Variants in CNTNAP2 observed in about 807,000 individuals in gnomAD.
CNTNAP2 encodes contactin-associated protein-like 2.
Under a neutral mutation model 155.2 loss-of-function variants are expected in CNTNAP2, and 98 were observed. The ratio of observed to expected loss-of-function variants is 0.63; its 90% confidence interval spans 0.54 to 0.75. The LOEUF (loss-of-function observed/expected upper bound fraction) is 0.75, where lower values mean the gene tolerates loss of function less well. Among genes scored for constraint, CNTNAP2 ranks in the 30% least tolerant of loss-of-function variants. CNTNAP2 has a pLI of 0.00. For synonymous variants in CNTNAP2, 651 were observed against 631.2 expected, an observed-to-expected ratio of 1.03 and a Z score of -0.47; for missense variants, 1,727 against 1,688.1, an observed-to-expected ratio of 1.02 and a Z score of -0.40.
chr7:146,584,102 A>G (rs6947535), intron 1 of CNTNAP2, among the ~76,000 whole-genome samples: 149,276 of 152,290 alleles, frequency 0.98, 73,186 homozygotes, highest in East Asian at 1. Context: ...CTAATAAATC[A>G]TGAAAAGTAC....
intron 3 of CNTNAP2, among the ~76,000 whole-genome samples, chr7:146,907,723 T>G (rs1450237717): frequency 6.8e-6 from 1 of 146,520 alleles, no homozygotes; most frequent in African/African-American, 2.5e-5. Flanking sequence ...CCATCGAGAC[T>G]AGGAAGAAAC....
At position 146,606,233 on chromosome 7, in the gene CNTNAP2, C is replaced by T. The variant is rs541947426; in HGVS notation, c.98-168038C>T. ...AATTAGAATGAGTCATATTATAAAT[C>T]CTCTGTCCAACTTTGAATTATATTG... is the stretch of plus-strand genomic sequence containing the variant. On this transcript the variant is annotated intron_variant, in intron 1 of 23. Coordinates refer to ENST00000361727, the MANE Select transcript of CNTNAP2 (RefSeq NM_014141.6). Among the ~76,000 whole-genome samples, 5 of 152,184 alleles carry T rather than the reference C, an allele frequency of 3.3e-5. No homozygotes were observed. In the South Asian group the frequency reaches 6.2e-4, roughly 19 times the overall value.
At chr7:146,803,809 A>G (rs986972105) in intron 2 of CNTNAP2, among the ~76,000 whole-genome samples, 2 of 152,206 alleles carry the variant, frequency 1.3e-5, no homozygotes, top group South Asian at 4.1e-4. Context: ...AAGTCTTGGT[A>G]TAGTTTTATG....
At chr7:147,047,885 A>T (rs1220762364) in intron 4 of CNTNAP2, among the ~76,000 whole-genome samples, 1 of 152,186 alleles carries the variant, frequency 6.6e-6, no homozygotes, top group Admixed American at 6.5e-5. Flanking sequence ...ATTAACATTT[A>T]TATCAATAGA....
intron 1 of CNTNAP2, among the ~76,000 whole-genome samples, chr7:146,723,766 T>C (rs1385732241): frequency 1.3e-5 from 2 of 152,212 alleles, no homozygotes; most frequent in Non-Finnish European, 2.9e-5. Flanking sequence ...GAAGACATTA[T>C]GAAAGTTGGT....
chr7:148,123,387 A>G (rs916038202), intron 16 of CNTNAP2, among the ~76,000 whole-genome samples: 2 of 152,160 alleles, frequency 1.3e-5, no homozygotes, highest in African/African-American at 4.8e-5. Context: ...CAAAAGTTTA[A>G]GACCAGCCTG....
At chr7:146,378,905 A>G (rs892380478) in intron 1 of CNTNAP2, among the ~76,000 whole-genome samples, 7 of 152,244 alleles carry the variant, frequency 4.6e-5, no homozygotes, top group Non-Finnish European at 8.8e-5. Flanking sequence ...AAATCAAGAA[A>G]GCAGAGAGAC....
intron 1 of CNTNAP2, among the ~76,000 whole-genome samples, chr7:146,313,384 T>C (rs1467816846): frequency 6.6e-6 from 1 of 152,218 alleles, no homozygotes; most frequent in Non-Finnish European, 1.5e-5. Context: ...TCAGATTCTT[T>C]GCACATTTTA....
intron 1 of CNTNAP2, among the ~76,000 whole-genome samples, chr7:146,149,115 G>A (rs1388292854): frequency 1.3e-5 from 2 of 151,826 alleles, no homozygotes; most frequent in Non-Finnish European, 2.9e-5. Context: ...CACCAACATG[G>A]CACATGTATA....
chr7:148,055,737 GTTAAGAAGGAAAAGCATTGCA>G (rs1802994719), intron 15 of CNTNAP2, among the ~76,000 whole-genome samples: 1 of 30,580 alleles, frequency 3.3e-5, no homozygotes, highest in African/African-American at 8.9e-5. Flanking sequence ...ACACATTGCA[GTTAAGAAGGAAAAGCATTGCA>G]GTTAAGAAGG....
intron 9 of CNTNAP2, 45 bp downstream of exon 9, chr7:147,300,335 T>A: frequency 6.2e-7 from 1 of 1,609,358 alleles, no homozygotes. Flanking sequence ...TTGCAAAAAA[T>A]GAGGTTTCAA....
At chr7:146,443,609 T>G (rs1207824349) in intron 1 of CNTNAP2, among the ~76,000 whole-genome samples, 1 of 152,216 alleles carries the variant, frequency 6.6e-6, no homozygotes, top group Non-Finnish European at 1.5e-5. Context: ...GACCACAGTG[T>G]CGTCATTTTG....
intron 15 of CNTNAP2, among the ~76,000 whole-genome samples, chr7:148,057,467 G>A (rs183595800): frequency 1.0e-3 from 152 of 152,164 alleles, no homozygotes; most frequent in Middle Eastern, 6.8e-3. Flanking sequence ...AAGAACTCAG[G>A]GTAAAATAAG....
At chr7:147,048,636 A>T (rs997520708) in intron 4 of CNTNAP2, among the ~76,000 whole-genome samples, 8 of 152,310 alleles carry the variant, frequency 5.3e-5, no homozygotes, top group Admixed American at 4.6e-4. Flanking sequence ...CTAGCCACTA[A>T]CCATATGTGG....
rs536228231 is a variant in CNTNAP2 at position 147,918,919 on chromosome 7, C to A, written c.2255+15198C>A. Among the ~76,000 whole-genome samples the A allele has an allele frequency of 1.1e-4, 17 of 152,272 alleles. 1 individual carries two copies. The highest frequency in any genetic ancestry group is 3.9e-4 in the African/African-American group (16 of 41,558). The stretch of plus-strand genomic sequence containing the variant: ...GTCCTACTTCATGTGGCAGAAGGGA[C>A]TTTGCAGATGTAGTTCAAGGTACAG... On this transcript the variant is annotated intron_variant, in intron 14 of 23. Transcript: ENST00000361727.
chr7:147,337,917 C>T (rs1168257453), intron 9 of CNTNAP2, among the ~76,000 whole-genome samples: 2 of 152,108 alleles, frequency 1.3e-5, no homozygotes, highest in Non-Finnish European at 2.9e-5. Flanking sequence ...ATTTTTAAAT[C>T]TGCATGTCAA....
intron 2 of CNTNAP2, among the ~76,000 whole-genome samples, chr7:146,806,004 A>T (rs1054376553): frequency 6.6e-6 from 1 of 152,282 alleles, no homozygotes; most frequent in African/African-American, 2.4e-5. Context: ...AGATAGGTCA[A>T]TCTCATTTAG....
At chr7:147,278,844 C>A (rs1487344635) in intron 8 of CNTNAP2, among the ~76,000 whole-genome samples, 1 of 151,126 alleles carries the variant, frequency 6.6e-6, no homozygotes, top group Non-Finnish European at 1.5e-5. Flanking sequence ...TTTTAAAAGT[C>A]TAAAAATTAT....
At chr7:147,896,630 C>G (rs910180810) in intron 13 of CNTNAP2, among the ~76,000 whole-genome samples, 2 of 152,052 alleles carry the variant, frequency 1.3e-5, no homozygotes, top group African/African-American at 4.8e-5. Context: ...ATCAGATGAG[C>G]CAGTTTATTG....
Sources: allele counts gnomAD v4.1 joint callset (sites outside exome capture counted in the v4.1 genomes callset), GRCh38; gene constraint gnomAD v4.1.1; transcripts MANE v1.5; gene names NCBI Gene and HGNC (gene_info 2026-07-23, HGNC 2026-07-21).